PRSS48: variants seen among roughly 807,000 people sequenced by gnomAD.
PRSS48 encodes the protein epidermis-specific serine protease-like protein.
PRSS48 carries 21 observed loss-of-function variants against 25.6 expected under a neutral mutation model. The observed-to-expected ratio is 0.82, with a 90% CI of 0.58 to 1.18. The LOEUF (loss-of-function observed/expected upper bound fraction) is 1.18. Ranked by LOEUF, PRSS48 falls within the 50% of genes most tolerant of loss-of-function variation. The pLI is 0.00. For synonymous variants in PRSS48, 150 were observed against 149.3 expected, an observed-to-expected ratio of 1.00 and a Z score of -0.04; for missense variants, 373 against 399.3, an observed-to-expected ratio of 0.93 and a Z score of 0.56.
intron 4 of PRSS48, among the ~76,000 whole-genome samples, chr4:151,283,944 C>T (rs939448281): frequency 1.3e-5 from 2 of 152,132 alleles, no homozygotes; most frequent in African/African-American, 2.4e-5. Context: ...CCATTATTTG[C>T]ATCGTCATTC....
intron 1 of PRSS48, chr4:151,279,184 A>T (rs1773932928): frequency 3.1e-6 from 1 of 318,942 alleles, no homozygotes; most frequent in Admixed American, 4.5e-5. Flanking sequence ...TATACAGGTC[A>T]CCAGCACACT....
downstream of PRSS48, chr4:151,291,512 G>C (rs78784121): frequency 7.8e-3 from 9,699 of 1,239,988 alleles, 530 homozygotes; most frequent in African/African-American, 0.13. Flanking sequence ...AAATGATTTT[G>C]TTTTTAAGGT....
chr4:151,284,722 T>C (rs1774575852), intron 4 of PRSS48, among the ~76,000 whole-genome samples: 1 of 152,250 alleles, frequency 6.6e-6, no homozygotes, highest in Admixed American at 6.5e-5. Context: ...GAGTACAGAT[T>C]GTTATGCTTC....
At chr4:151,286,988 T>C (rs1580413727) in intron 4 of PRSS48, among the ~76,000 whole-genome samples, 1 of 123,162 alleles carries the variant, frequency 8.1e-6, no homozygotes, top group Non-Finnish European at 1.7e-5. Flanking sequence ...TCAAAAATAA[T>C]AATAATAATA....
chr4:151,282,107 A>C, intron 2 of PRSS48, 41 bp from the exon 3 acceptor site: 1 of 1,605,474 alleles, frequency 6.2e-7, no homozygotes, highest in Non-Finnish European at 8.5e-7. Flanking sequence ...GTTCTGACCC[A>C]GCTGCAGGCC....
chr4:151,290,557 T>A (rs1161344292), intron 4 of PRSS48, among the ~76,000 whole-genome samples: 3 of 152,192 alleles, frequency 2.0e-5, no homozygotes, highest in African/African-American at 7.2e-5. Flanking sequence ...TGGGGATAAT[T>A]ACAAATGGGT....
At position 151,283,099 on chromosome 4, in the gene PRSS48, T is replaced by C; in HGVS notation, c.482-18T>C. The C allele has an allele frequency of 6.2e-7, 1 of 1,612,306 alleles. No homozygotes were observed. The highest frequency in any genetic ancestry group is 8.5e-7 in the Non-Finnish European group (1 of 1,178,804). On this transcript the variant is annotated intron_variant, in intron 3 of 4. Coordinates refer to ENST00000455694, the Ensembl canonical transcript of PRSS48. ...TTTCTAGGTTGCTTTAATCTTTTGT[T>C]CCTGTCTTCCTCCACAGATAGAGAT...
chr4:151,289,994 A>T (rs1438500775), intron 4 of PRSS48, among the ~76,000 whole-genome samples: 1 of 152,204 alleles, frequency 6.6e-6, no homozygotes, highest in African/African-American at 2.4e-5. Flanking sequence ...TTGCTCTGTC[A>T]CCCAGGTTGA....
rs540101466 is a variant in PRSS48, at chr4:151,291,364, A to G, written c.898A>G (p.Ile300Val). Reference sequence around the variant, plus strand: ...CTCCTGTGCCTTTGGACCTAACACTATACACAGAGTAGGCACTGTAGCTGA... The same window carrying G: ...CTCCTGTGCCTTTGGACCTAACACTGTACACAGAGTAGGCACTGTAGCTGA... The change falls in exon 5 of 5, where the codon ATA (isoleucine) becomes GTA (valine). Residue 300 changes from isoleucine to valine, a missense_variant. Transcript: ENST00000455694. 11 of 1,614,014 alleles carry G rather than the reference A, an allele frequency of 6.8e-6. No homozygotes were observed. The South Asian group carries it at 1.1e-4, about 16-fold the overall frequency.
intron 1 of PRSS48, chr4:151,278,956 A>G (rs1773912642): frequency 4.6e-6 from 1 of 217,428 alleles, no homozygotes; most frequent in African/African-American, 2.3e-5. Context: ...TCATTTGTCT[A>G]TTGGTTCATT....
At chr4:151,285,575 A>G (rs1324399837) in intron 4 of PRSS48, among the ~76,000 whole-genome samples, 1 of 152,218 alleles carries the variant, frequency 6.6e-6, no homozygotes, top group East Asian at 1.9e-4. Flanking sequence ...GTGCTTAGAG[A>G]GAAATTTATA....
At chr4:151,277,193 C>T (rs1773711751) in exon 1 of PRSS48, 1 of 1,499,338 alleles carries the variant, frequency 6.7e-7, no homozygotes. Flanking sequence ...CTGGCTGTGC[C>T]TTCACGCTGC....
intron 2 of PRSS48, among the ~76,000 whole-genome samples, chr4:151,281,076 C>T (rs1774176353): frequency 6.6e-6 from 1 of 152,020 alleles, no homozygotes; most frequent in African/African-American, 2.4e-5. Flanking sequence ...AAGAGAATCC[C>T]TAAGAAAGTC....
intron 4 of PRSS48, among the ~76,000 whole-genome samples, chr4:151,287,175 T>C (rs979006343): frequency 6.6e-6 from 1 of 151,350 alleles, no homozygotes; most frequent in Admixed American, 6.6e-5. Context: ...TCCTTGTCTC[T>C]ATTAAAAATA....
chr4:151,291,130 G>A (rs557018644), exon 5 of PRSS48: 10 of 1,610,800 alleles, frequency 6.2e-6, no homozygotes, highest in South Asian at 4.4e-5. Flanking sequence ...TGATTCTGGA[G>A]GGCCTCTGTC....
chr4:151,279,183 C>A, intron 1 of PRSS48: 1 of 319,892 alleles, frequency 3.1e-6, no homozygotes, highest in South Asian at 2.8e-5. Flanking sequence ...GTATACAGGT[C>A]ACCAGCACAC....
chr4:151,282,391 G>C (rs773097478), exon 3 of PRSS48: 1 of 1,613,824 alleles, frequency 6.2e-7, no homozygotes, highest in South Asian at 1.1e-5. Context: ...TGACCGGATG[G>C]GGAAAAGTTA....
At chr4:151,288,515 G>A (rs1332901625) in intron 4 of PRSS48, among the ~76,000 whole-genome samples, 1 of 152,146 alleles carries the variant, frequency 6.6e-6, no homozygotes, top group African/African-American at 2.4e-5. Flanking sequence ...GGGAGGCCAA[G>A]GCAGGTGGAT....
chr4:151,280,054 T>TCCCGAAACAACTAG, intron 2 of PRSS48, 96 bp downstream of exon 2: 2 of 872,648 alleles, frequency 2.3e-6, no homozygotes, highest in Non-Finnish European at 3.4e-6. Context: ...AGTGGTAAAA[T>TCCCGAAACAACTAG]AGGCAGGGCG....
Sources: allele counts gnomAD v4.1 joint callset (sites outside exome capture counted in the v4.1 genomes callset), GRCh38; gene constraint gnomAD v4.1.1; transcripts MANE v1.5; gene names NCBI Gene and HGNC (gene_info 2026-07-23, HGNC 2026-07-21).